Variants in PROCR observed in about 807,000 individuals in gnomAD.
PROCR encodes the protein endothelial protein C receptor.
A neutral mutation model predicts 24.2 loss-of-function variants in PROCR; 22 were observed. That is an observed-to-expected ratio of 0.91 (90% CI 0.65 to 1.30). The LOEUF (loss-of-function observed/expected upper bound fraction) is 1.30, where lower values mean the gene tolerates loss of function less well. Ranked by LOEUF, PROCR falls within the 50% of genes most tolerant of loss-of-function variation. The pLI is 0.00. For missense variants in PROCR, 288 were observed against 307.7 expected (o/e 0.94, Z 0.48); for synonymous variants, 137 against 139.2 (o/e 0.98, Z 0.11).
At chr20:35,190,893 C>T (rs2086167837) in intron 1 of PROCR, among the ~76,000 whole-genome samples, 1 of 152,148 alleles carries the variant, frequency 6.6e-6, no homozygotes, top group Non-Finnish European at 1.5e-5. Flanking sequence ...CAGAGTCTCG[C>T]TCCGTCGCCA....
In PROCR at chr20:35,187,447, T is replaced by G. The variant is rs1243393821; in HGVS notation, c.94+11001T>G. Among the ~76,000 whole-genome samples the G allele has an allele frequency of 2.0e-5, 3 of 152,200 alleles. No individual in the cohort carries two copies. In the East Asian group the frequency reaches 5.8e-4, roughly 29 times the overall value. On this transcript the variant is annotated intron_variant, in intron 1 of 1. Transcript: ENST00000634509. The stretch of plus-strand genomic sequence containing the variant: ...TTCCACAGTGATGTGGTACAAGAAC[T>G]GGCACTAGAGCTTGGGACTTCTGAC...
downstream of PROCR, among the ~76,000 whole-genome samples, chr20:35,180,603 T>C (rs1369569227): frequency 1.3e-5 from 2 of 151,930 alleles, no homozygotes; most frequent in African/African-American, 4.8e-5. Context: ...TCAGCCCTAC[T>C]TCTTCCCCCT....
intron 1 of PROCR, among the ~76,000 whole-genome samples, chr20:35,186,005 A>G (rs1214353713): frequency 6.6e-6 from 1 of 152,240 alleles, no homozygotes; most frequent in African/African-American, 2.4e-5. Context: ...AAACAATTTG[A>G]CAGTTCTTCA....
chr20:35,179,857 C>A (rs561958367), downstream of PROCR, among the ~76,000 whole-genome samples: 1 of 152,306 alleles, frequency 6.6e-6, no homozygotes, highest in South Asian at 2.1e-4. Flanking sequence ...ACATTCACTC[C>A]TTTCTACCCC....
At chr20:35,196,489 T>A (rs771306535) in intron 1 of PROCR, among the ~76,000 whole-genome samples, 4 of 152,060 alleles carry the variant, frequency 2.6e-5, no homozygotes, top group Non-Finnish European at 5.9e-5. Context: ...AAAAATCACA[T>A]GTTACATATG....
chr20:35,178,513 T>TG (rs1176083871), downstream of PROCR, among the ~76,000 whole-genome samples: 10 of 41,892 alleles, frequency 2.4e-4, 2 homozygotes, highest in African/African-American at 1.3e-3. Context: ...CTCAGTTTTT[T>TG]TTTTTTTTTT....
At chr20:35,176,074 C>T (rs1446562871) in intron 2 of PROCR, 94 bp from the exon 3 acceptor site, 1 of 1,409,842 alleles carries the variant, frequency 7.1e-7, no homozygotes, top group Non-Finnish European at 1.0e-6. Context: ...AGCACTGACT[C>T]TTGCCTTCTC....
Position 35,176,252 on chromosome 20 carries a change from A to G in PROCR, c.407A>G (p.Asn136Ser). 1.2e-6 allele frequency: 2 copies of G among 1,614,100 alleles called. No homozygotes were observed. Among genetic ancestry groups the G allele is most frequent in the Non-Finnish European group, 8.5e-7 (1 of 1,180,016 alleles). ...RAHVFFEVAV[N>S]GSSFVSFRPE... The stretch of plus-strand genomic sequence containing the variant: ...CATGTCTTCTTCGAAGTGGCTGTGA[A>G]TGGGAGCTCCTTTGTGAGTTTCCGG... Residue 136 changes from asparagine to serine, a missense_variant, in exon 3 of 4, where the codon AAT (asparagine) becomes AGT (serine). By Grantham distance (46) the Asn-to-Ser change is conservative (BLOSUM62 1). Transcript: ENST00000216968.
intron 1 of PROCR, among the ~76,000 whole-genome samples, chr20:35,214,999 T>C (rs1338786178): frequency 6.7e-6 from 1 of 148,350 alleles, no homozygotes; most frequent in Admixed American, 6.8e-5. Flanking sequence ...CTCTGTCTCC[T>C]GGGTTCAAGA....
Position 35,174,702 on chromosome 20 carries a change from G to A in PROCR, c.71G>A (p.Gly24Asp). The A allele has an allele frequency of 3.1e-6, 5 of 1,613,938 alleles. No homozygotes were observed. The highest frequency in any genetic ancestry group is 4.2e-6 in the Non-Finnish European group (5 of 1,179,996). Residue 24 changes from glycine (G) to aspartate (D), a missense_variant and splice_region_variant, in exon 2 of 4, where the codon GGC (glycine) becomes GAC (aspartate). Coordinates refer to ENST00000216968, the MANE Select transcript of PROCR (RefSeq NM_006404.5). ...WAFCSQDASD[G>D]LQRLHMLQIS... ...AGGCTGAAGCTGACTCTGCCCGCAGGCCTCCAAAGACTTCATATGCTCCAG... is the reference window on the plus strand; with the variant it reads ...AGGCTGAAGCTGACTCTGCCCGCAGACCTCCAAAGACTTCATATGCTCCAG...
At chr20:35,209,869 G>T (rs2060355396) in intron 1 of PROCR, among the ~76,000 whole-genome samples, 1 of 152,196 alleles carries the variant, frequency 6.6e-6, no homozygotes, top group Admixed American at 6.5e-5. Context: ...GGCCACCATA[G>T]CCTATGGTCT....
At chr20:35,172,345 C>G in intron 1 of PROCR, 121 bp downstream of exon 1, 1 of 1,252,128 alleles carries the variant, frequency 8.0e-7, no homozygotes, top group Non-Finnish European at 1.2e-6. Context: ...CTGGCTAGAT[C>G]TCTCTACAGG....
Position 35,207,240 on chromosome 20 carries a change from A to T in PROCR, c.95-8653A>T, listed in dbSNP as rs942436323. ...CAAAAGGGAATTTGGGAAGGTGATT[A>T]ACTGTTTTATTTTTTTGTTTGTGTG... On this transcript the variant is annotated intron_variant, in intron 1 of 1. Transcript: ENST00000634509. Among the ~76,000 whole-genome samples the T allele has an allele frequency of 1.2e-4, 18 of 152,240 alleles. 1 individual carries two copies. The highest frequency in any genetic ancestry group is 3.9e-4 in the East Asian group (2 of 5,182).
intron 1 of PROCR, among the ~76,000 whole-genome samples, chr20:35,207,525 C>CTGTTTTGTTTTGTTT (rs145909947): frequency 2.0e-5 from 3 of 150,594 alleles, no homozygotes; most frequent in East Asian, 3.9e-4. Flanking sequence ...TTAGTTAGGA[C>CTGTTTTGTTTTGTTT]TGTTTTGTTT....
downstream of PROCR, among the ~76,000 whole-genome samples, chr20:35,181,267 A>ATTTT (rs374124861): frequency 8.8e-5 from 3 of 34,044 alleles, no homozygotes; most frequent in East Asian, 1.5e-3. Context: ...ATTTAATTTT[A>ATTTT]ATTTAATTTT....
At chr20:35,208,812 A>G (rs2146179812) in intron 1 of PROCR, among the ~76,000 whole-genome samples, 1 of 152,202 alleles carries the variant, frequency 6.6e-6, no homozygotes, top group South Asian at 2.1e-4. Flanking sequence ...CCACCTCTAA[A>G]AATACTAAAA....
chr20:35,197,069 A>G, intron 1 of PROCR, among the ~76,000 whole-genome samples: 1 of 152,198 alleles, frequency 6.6e-6, no homozygotes, highest in East Asian at 1.9e-4. Context: ...CCAACAGTAT[A>G]TGTTCACTTC....
chr20:35,211,234 T>C (rs2060361791), intron 1 of PROCR, among the ~76,000 whole-genome samples: 1 of 152,186 alleles, frequency 6.6e-6, no homozygotes. Flanking sequence ...CTGGGGGCAA[T>C]CTGAAACTAC....
chr20:35,212,078 G>C (rs557510630), intron 1 of PROCR, among the ~76,000 whole-genome samples: 1 of 152,258 alleles, frequency 6.6e-6, no homozygotes, highest in East Asian at 1.9e-4. Context: ...AAGAGCTAGG[G>C]GAGTACTGAA....
Sources: allele counts gnomAD v4.1 joint callset (sites outside exome capture counted in the v4.1 genomes callset), GRCh38; gene constraint gnomAD v4.1.1; transcripts MANE v1.5; gene names NCBI Gene and HGNC (gene_info 2026-07-23, HGNC 2026-07-21).